EFR3B: variants seen among roughly 807,000 people sequenced by gnomAD.
EFR3B encodes the protein protein EFR3 homolog B.
EFR3B carries 64 observed loss-of-function variants against 104.7 expected under a neutral mutation model. The ratio of observed to expected loss-of-function variants is 0.61; its 90% CI spans 0.50 to 0.75. The LOEUF (loss-of-function observed/expected upper bound fraction) is 0.75. Among genes scored for constraint, EFR3B ranks in the 30% least tolerant of loss-of-function variants. The probability of loss-of-function intolerance (pLI) is 0.00; values close to 1 mark genes in which losing one functional copy is unlikely to be tolerated. For missense variants in EFR3B, 750 were observed against 1,078.5 expected, an observed-to-expected ratio of 0.70 and a Z score of 4.27; for synonymous variants, 385 against 417.9, an observed-to-expected ratio of 0.92 and a Z score of 0.96.
chr2:25,153,778 G>A lies in EFR3B; in HGVS notation c.2348+17G>A, dbSNP rs140732218. On this transcript the variant is annotated intron_variant, in intron 22 of 22. Transcript: ENST00000403714. ...CACCATCCGGTAAGTGACAACCCTG[G>A]GCAGGGGACCCTGACCTCCGTGGCC... The A allele has an allele frequency of 1.5e-5, 24 of 1,551,562 alleles. No homozygotes were observed. The African/African-American group carries it at 2.1e-4, about 13-fold the overall frequency.
chr2:25,090,674 G>A (rs1286008492), intron 1 of EFR3B, among the ~76,000 whole-genome samples: 1 of 152,218 alleles, frequency 6.6e-6, no homozygotes, highest in Non-Finnish European at 1.5e-5. Context: ...CTGTCACACT[G>A]CGTTAAAGAT....
intron 3 of EFR3B, among the ~76,000 whole-genome samples, chr2:25,100,561 C>T (rs1176143466): frequency 6.6e-6 from 1 of 152,102 alleles, no homozygotes; most frequent in East Asian, 1.9e-4. Flanking sequence ...GGCGCTATCT[C>T]GGCTCACTGC....
intron 13 of EFR3B, among the ~76,000 whole-genome samples, chr2:25,135,974 A>G (rs1262179590): frequency 6.6e-6 from 1 of 152,106 alleles, no homozygotes. Flanking sequence ...TAGAGACTGA[A>G]GGGATTTGGG....
At chr2:25,104,174 C>A (rs1245820320) in intron 4 of EFR3B, among the ~76,000 whole-genome samples, 7 of 151,782 alleles carry the variant, frequency 4.6e-5, no homozygotes, top group African/African-American at 7.3e-5. Context: ...ATGGCAAAAC[C>A]CCATCTCTAC....
Position 25,058,764 on chromosome 2 carries a change from G to GCC in EFR3B, c.7+16455_7+16456dup, listed in dbSNP as rs35001093. ...ACAGAGTGAGACTCTGTCTCCCCGC[G>GCC]CCCCCCCCCCCAAAAAAAAAAACAA... On this transcript the variant is annotated intron_variant, in intron 1 of 22. Transcript: ENST00000403714. Among the ~76,000 whole-genome samples the GCC allele has an allele frequency of 1.4e-3, 154 of 106,322 alleles. 6 individuals carry two copies. Among genetic ancestry groups the GCC allele is most frequent in the African/African-American group, 6.3e-3 (129 of 20,522 alleles). 69.8% of individuals were successfully genotyped at this position (106,322 alleles called of 152,430 possible). A position where few individuals can be genotyped will look rare whatever the true frequency, so the allele number is the denominator to read the frequency against.
chr2:25,046,506 CTTTTT>C (rs531667109), intron 1 of EFR3B, among the ~76,000 whole-genome samples: 1 of 119,104 alleles, frequency 8.4e-6, no homozygotes, highest in Non-Finnish European at 1.8e-5. Context: ...AGTACAAAGT[CTTTTT>C]TTTTTTTTTT....
At chr2:25,075,357 AT>A (rs1282193471) in intron 1 of EFR3B, among the ~76,000 whole-genome samples, 3 of 152,224 alleles carry the variant, frequency 2.0e-5, no homozygotes, top group Middle Eastern at 3.4e-3. Flanking sequence ...ACCTCATGGG[AT>A]TTTATTTTTT....
intron 1 of EFR3B, among the ~76,000 whole-genome samples, chr2:25,053,263 C>T (rs1397773501): frequency 6.6e-6 from 1 of 152,226 alleles, no homozygotes; most frequent in African/African-American, 2.4e-5. Context: ...TTCCCAGCTC[C>T]CTTAGCTTTG....
intron 1 of EFR3B, among the ~76,000 whole-genome samples, chr2:25,085,034 G>C (rs1266693779): frequency 1.3e-5 from 2 of 152,168 alleles, no homozygotes; most frequent in African/African-American, 4.8e-5. Flanking sequence ...TTTTAGAGCT[G>C]TGCCTGGCTC....
intron 15 of EFR3B, among the ~76,000 whole-genome samples, chr2:25,138,460 C>G (rs1670579285): frequency 6.6e-6 from 1 of 152,154 alleles, no homozygotes. Context: ...TCTCCAGGGT[C>G]CTGAAGCCAG....
intron 20 of EFR3B, among the ~76,000 whole-genome samples, chr2:25,151,545 C>T (rs562383642): frequency 1.3e-5 from 2 of 152,228 alleles, no homozygotes; most frequent in East Asian, 1.9e-4. Context: ...TGTGAGCCAC[C>T]GTGCCCAGCC....
intron 11 of EFR3B, among the ~76,000 whole-genome samples, 158 bp downstream of exon 11, chr2:25,133,172 A>G (rs1045433028): frequency 1.3e-5 from 2 of 152,050 alleles, no homozygotes; most frequent in African/African-American, 4.8e-5. Flanking sequence ...TGGATCCCAC[A>G]GTTTCTCAGG....
intron 16 of EFR3B, among the ~76,000 whole-genome samples, chr2:25,140,071 G>A (rs1302577640): frequency 2.0e-5 from 3 of 152,192 alleles, no homozygotes; most frequent in Non-Finnish European, 4.4e-5. Context: ...CCAGCACTTT[G>A]GGAGGCCGAG....
intron 1 of EFR3B, among the ~76,000 whole-genome samples, chr2:25,063,946 G>T (rs1451363094): frequency 6.6e-6 from 1 of 152,212 alleles, no homozygotes; most frequent in Non-Finnish European, 1.5e-5. Flanking sequence ...ACCTCGTGCA[G>T]GTGTTCCCAG....
intron 19 of EFR3B, among the ~76,000 whole-genome samples, chr2:25,149,118 A>G (rs1404962204): frequency 6.6e-6 from 1 of 152,058 alleles, no homozygotes; most frequent in Admixed American, 6.6e-5. Flanking sequence ...TGGGAGGCCG[A>G]GGCGGGCAGA....
chr2:25,131,074 A>C lies in EFR3B; in HGVS notation c.850-294A>C, dbSNP rs2149205308. On this transcript the variant is annotated intron_variant, in intron 8 of 22. Transcript: ENST00000403714. The surrounding 1 kb of genome is among the most constrained non-coding windows in gnomAD (Gnocchi z 7.6). ...TGTGGCCTCCCGTGGCTCTTGCCGGAAAGACCTGAAGAAATGAAAGGAAGA... is the reference window on the plus strand; with the variant it reads ...TGTGGCCTCCCGTGGCTCTTGCCGGCAAGACCTGAAGAAATGAAAGGAAGA... Among the ~76,000 whole-genome samples the C allele has an allele frequency of 6.6e-6, 1 of 152,192 alleles. No homozygotes were observed. Among genetic ancestry groups the C allele is most frequent in the African/African-American group, 2.4e-5 (1 of 41,518 alleles).
intron 1 of EFR3B, among the ~76,000 whole-genome samples, chr2:25,090,791 G>A (rs1669090083): frequency 6.6e-6 from 1 of 152,208 alleles, no homozygotes; most frequent in African/African-American, 2.4e-5. Context: ...GAGGGAGACT[G>A]AAGAGCAGGG....
chr2:25,152,099 TAGG>T, intron 21 of EFR3B, 79 bp downstream of exon 21: 3 of 1,410,180 alleles, frequency 2.1e-6, no homozygotes, highest in Non-Finnish European at 2.9e-6. Flanking sequence ...ATTAAGTTCC[TAGG>T]AGATCTTGGC....
In EFR3B at chr2:25,060,680, G is replaced by A. The variant is rs1668166810; in HGVS notation, c.7+18361G>A. 2.0e-5 allele frequency among the ~76,000 whole-genome samples: 3 copies of A among 151,908 alleles called. No individual in the cohort carries two copies. The South Asian group carries it at 6.2e-4, about 32-fold the overall frequency. On this transcript the variant is annotated intron_variant, in intron 1 of 22. Coordinates refer to ENST00000403714, the MANE Select transcript of EFR3B (RefSeq NM_014971.2). Reference sequence around the variant, plus strand: ...TCATGCCTGTAATCCCAGCACTTTGGGAGGCCGAGGTGGGTGGATCACGAG... The same window carrying A: ...TCATGCCTGTAATCCCAGCACTTTGAGAGGCCGAGGTGGGTGGATCACGAG...
Sources: gnomAD v4.1 joint callset for allele counts (sites outside exome capture counted in the v4.1 genomes callset) on GRCh38, gnomAD v4.1.1 for gene constraint, Gnocchi (gnomAD v3.1) non-coding constraint, MANE v1.5 for transcripts, NCBI Gene and HGNC (gene_info 2026-07-23, HGNC 2026-07-21) for gene names.